EVA1C: variants seen among roughly 807,000 people sequenced by gnomAD.
EVA1C encodes the protein protein eva-1 homolog C.
In EVA1C, 25 loss-of-function variants were observed where a neutral mutation model predicts 45.4. That is an observed-to-expected ratio of 0.55 (90% CI 0.40 to 0.77). EVA1C has a LOEUF of 0.77. Among genes scored for constraint, EVA1C ranks in the 30% least tolerant of loss-of-function variants. EVA1C has a pLI of 0.00. For synonymous variants in EVA1C, 190 were observed against 221.2 expected (o/e 0.86, Z 1.25); for missense variants, 479 against 554.8 (o/e 0.86, Z 1.37).
chr21:32,474,119 G>T lies in EVA1C; in HGVS notation c.634+6271G>T, dbSNP rs2036474971. The T allele has an allele frequency of 4.5e-6, 1 of 220,516 alleles. No homozygotes were observed. Among genetic ancestry groups the T allele is most frequent in the Non-Finnish European group, 7.6e-6 (1 of 130,894 alleles). 13.7% of individuals were successfully genotyped at this position (220,516 alleles called of 1,614,324 possible). A position where few individuals can be genotyped will look rare whatever the true frequency, so the allele number is the denominator to read the frequency against. On this transcript the variant is annotated intron_variant, in intron 4 of 7. Transcript: ENST00000300255. This position sits in a 1 kb window ranked among gnomAD's most constrained non-coding sequence, Gnocchi z 4.4. ...GGTGGAGATGAAGTCTTGCTATTTT[G>T]CCCAGGCTGGTCTTCAACTCCTGGC...
intron 1 of EVA1C, among the ~76,000 whole-genome samples, chr21:32,447,859 C>T (rs890147578): frequency 6.6e-6 from 1 of 152,196 alleles, no homozygotes; most frequent in Non-Finnish European, 1.5e-5. Context: ...GCGCCTGCCA[C>T]CACGTCCGGC....
At chr21:32,496,813 T>C in intron 5 of EVA1C, 1 of 800,728 alleles carries the variant, frequency 1.2e-6, no homozygotes, top group Non-Finnish European at 2.2e-6. Context: ...GGGAACGGAG[T>C]ATATTCTAGT....
rs111213012 is a variant in EVA1C at position 32,507,698 on chromosome 21, G to T, written c.949+3683G>T. On this transcript the variant is annotated intron_variant, in intron 7 of 7. Transcript: ENST00000300255. ...TGTATCTGTGTGCATGTGTGCATGC[G>T]TATGTGCACGTGTGTGTGCATGTGT... 1.2e-3 allele frequency among the ~76,000 whole-genome samples: 180 copies of T among 151,868 alleles called. 2 individuals are homozygous for T. The highest frequency in any genetic ancestry group is 3.9e-3 in the African/African-American group (162 of 41,408).
intron 1 of EVA1C, among the ~76,000 whole-genome samples, chr21:32,444,869 T>G (rs2035310155): frequency 6.6e-6 from 1 of 152,210 alleles, no homozygotes; most frequent in Non-Finnish European, 1.5e-5. Context: ...AGGAGTTGTA[T>G]GGAAGGAAAC....
intron 1 of EVA1C, among the ~76,000 whole-genome samples, chr21:32,423,983 C>T (rs1347743125): frequency 6.6e-6 from 1 of 152,114 alleles, no homozygotes; most frequent in African/African-American, 2.4e-5. Context: ...ATCTTTAATT[C>T]GGATGAGTAT....
chr21:32,491,334 G>GT (rs2146390057), intron 4 of EVA1C, among the ~76,000 whole-genome samples: 1 of 152,184 alleles, frequency 6.6e-6, no homozygotes, highest in South Asian at 2.1e-4. Flanking sequence ...GTTCTGAGGA[G>GT]TCGGACTTGG....
intron 1 of EVA1C, among the ~76,000 whole-genome samples, chr21:32,437,507 C>T (rs1164599411): frequency 6.6e-6 from 1 of 152,210 alleles, no homozygotes; most frequent in African/African-American, 2.4e-5. Context: ...TGCAGTAGCT[C>T]CCGCATCCCT....
chr21:32,467,589 C>A (rs572612655), intron 3 of EVA1C, 107 bp from the exon 4 acceptor site: 382 of 1,158,412 alleles, frequency 3.3e-4, no homozygotes, highest in Middle Eastern at 3.1e-3. Context: ...CCACTGCCCC[C>A]TTCTCAGGGT....
At chr21:32,502,589 T>A (rs1455979760) in intron 6 of EVA1C, among the ~76,000 whole-genome samples, 1 of 152,094 alleles carries the variant, frequency 6.6e-6, no homozygotes, top group East Asian at 1.9e-4. Context: ...TGTGTTACCT[T>A]TATTATATGT....
chr21:32,483,619 T>C (rs1298164575), intron 4 of EVA1C, among the ~76,000 whole-genome samples: 1 of 152,170 alleles, frequency 6.6e-6, no homozygotes, highest in Non-Finnish European at 1.5e-5. Flanking sequence ...CTAATGCCCT[T>C]GGAGCATCCT....
At chr21:32,480,033 C>T (rs2036720512) in intron 4 of EVA1C, among the ~76,000 whole-genome samples, 1 of 152,064 alleles carries the variant, frequency 6.6e-6, no homozygotes, top group Admixed American at 6.6e-5. Context: ...TACCCTTTAA[C>T]AAAGCAACCT....
At chr21:32,476,117 A>G (rs1288385980) in intron 4 of EVA1C, among the ~76,000 whole-genome samples, 1 of 150,768 alleles carries the variant, frequency 6.6e-6, no homozygotes, top group Non-Finnish European at 1.5e-5. Flanking sequence ...TTGCACTTGC[A>G]CACCTTGTCT....
At position 32,463,276 on chromosome 21, in the gene EVA1C, C is replaced by G. The variant is rs961200543; in HGVS notation, c.482-4420C>G. Among the ~76,000 whole-genome samples the G allele has an allele frequency of 2.0e-5, 3 of 152,168 alleles. No individual in the cohort carries two copies. The East Asian group carries it at 5.8e-4, about 29-fold the overall frequency. ...TGGTTCTACCTTCCCAGGCCCCTGC[C>G]ATCCTCCCCATCTAAACTCCCAGGA... On this transcript the variant is annotated intron_variant, in intron 3 of 7. Coordinates refer to ENST00000300255, the MANE Select transcript of EVA1C (RefSeq NM_058187.5).
At position 32,503,950 on chromosome 21, in the gene EVA1C, C is replaced by T. The variant is rs376434675; in HGVS notation, c.884C>T (p.Ser295Leu). 3.1e-6 allele frequency: 5 copies of T among 1,611,374 alleles called. No individual in the cohort carries two copies. The highest frequency in any genetic ancestry group is 2.2e-5 in the East Asian group (1 of 44,814). ...GGTATAAACTTCGACCCAAGCGGAT[C>T]GAAGGTTCTGAGGAAAGATGGAATT... ...EYGINFDPSGSKVLRKDGILV... is the reference protein window; with the variant it reads ...EYGINFDPSGLKVLRKDGILV... Residue 295 changes from serine to leucine, a missense_variant, in exon 7 of 8, where the codon TCG (serine) becomes TTG (leucine). Transcript: ENST00000300255.
intron 5 of EVA1C, among the ~76,000 whole-genome samples, chr21:32,495,458 G>A (rs1417900803): frequency 2.0e-5 from 3 of 152,150 alleles, no homozygotes; most frequent in African/African-American, 7.2e-5. Flanking sequence ...AACCAAATAG[G>A]GGTAAACTGA....
chr21:32,482,154 C>T (rs921277783), intron 4 of EVA1C, among the ~76,000 whole-genome samples: 6 of 152,168 alleles, frequency 3.9e-5, no homozygotes, highest in Admixed American at 6.6e-5. Flanking sequence ...GAAACTGAGG[C>T]TTAGCAAGGT....
At chr21:32,479,059 AG>A in intron 4 of EVA1C, among the ~76,000 whole-genome samples, 1 of 152,254 alleles carries the variant, frequency 6.6e-6, no homozygotes, top group East Asian at 1.9e-4. Flanking sequence ...ATAGCCAAAA[AG>A]TAAAAATGTA....
chr21:32,457,855 AC>A (rs2035846406), intron 3 of EVA1C, 135 bp downstream of exon 3: 1 of 966,470 alleles, frequency 1.0e-6, no homozygotes, highest in Non-Finnish European at 1.6e-6. Context: ...GCTCCATCCT[AC>A]CCAGTTTTTT....
chr21:32,498,538 G>T (rs2037428976), intron 5 of EVA1C, among the ~76,000 whole-genome samples: 1 of 151,814 alleles, frequency 6.6e-6, no homozygotes, highest in Non-Finnish European at 1.5e-5. Flanking sequence ...ACATCATCAT[G>T]ACCTGTTGTG....
Sources: allele counts gnomAD v4.1 joint callset (sites outside exome capture counted in the v4.1 genomes callset), GRCh38; gene constraint gnomAD v4.1.1; non-coding constraint Gnocchi (gnomAD v3.1); transcripts MANE v1.5; gene names NCBI Gene and HGNC (gene_info 2026-07-23, HGNC 2026-07-21).